SHTN1: variants seen among roughly 807,000 people sequenced by gnomAD.
SHTN1 encodes shootin-1.
In SHTN1, 42 loss-of-function variants were observed where a neutral mutation model predicts 83.1. The observed-to-expected ratio is 0.51, with a 90% confidence interval of 0.39 to 0.65. SHTN1 has a LOEUF of 0.65. SHTN1 is among the 30% of genes least tolerant of loss of function. The probability of loss-of-function intolerance (pLI) is 0.00; values close to 1 mark genes in which losing one functional copy is unlikely to be tolerated. For missense variants in SHTN1, 622 were observed against 737.8 expected (o/e 0.84, Z 1.82); for synonymous variants, 224 against 247.7 (o/e 0.90, Z 0.90).
intron 2 of SHTN1, among the ~76,000 whole-genome samples, chr10:117,041,499 C>A (rs1852584058): frequency 6.6e-6 from 1 of 152,098 alleles, no homozygotes; most frequent in African/African-American, 2.4e-5. Flanking sequence ...CATGTGTTTT[C>A]TTTTCTGCAT....
At chr10:117,081,093 G>A (rs111868895) in intron 1 of SHTN1, among the ~76,000 whole-genome samples, 11 of 150,990 alleles carry the variant, frequency 7.3e-5, no homozygotes, top group African/African-American at 2.7e-4. Context: ...TGGTGAGAGA[G>A]GGCATCCCTG....
upstream of SHTN1, among the ~76,000 whole-genome samples, chr10:117,006,422 C>T (rs1183870235): frequency 3.3e-5 from 5 of 151,548 alleles, no homozygotes. Context: ...AAAAATTAGC[C>T]GGGCGTGGTG....
intron 7 of SHTN1, among the ~76,000 whole-genome samples, chr10:116,947,595 G>T (rs767009130): frequency 4.6e-5 from 7 of 152,102 alleles, no homozygotes; most frequent in Non-Finnish European, 8.8e-5. Context: ...AGAAAACAAA[G>T]AACACTATGA....
At chr10:116,901,093 TC>T in intron 16 of SHTN1, 3 of 985,352 alleles carry the variant, frequency 3.0e-6, no homozygotes, top group Non-Finnish European at 3.6e-6. Flanking sequence ...CTCTTCCTTT[TC>T]TTTAAGTGAC....
chr10:117,057,468 G>C (rs188419401), intron 1 of SHTN1, among the ~76,000 whole-genome samples: 1 of 152,276 alleles, frequency 6.6e-6, no homozygotes, highest in East Asian at 1.9e-4. Context: ...ACAGAGATAG[G>C]CAGTAATTGT....
At chr10:117,072,300 A>T (rs1853092966) in intron 1 of SHTN1, among the ~76,000 whole-genome samples, 1 of 152,132 alleles carries the variant, frequency 6.6e-6, no homozygotes, top group South Asian at 2.1e-4. Flanking sequence ...TTGTGGTTCC[A>T]TCATAGCAGA....
intron 1 of SHTN1, among the ~76,000 whole-genome samples, chr10:117,051,999 C>CATATATATATATATATAT (rs71013635): frequency 0.071 from 2,395 of 33,928 alleles, 471 homozygotes; most frequent in Middle Eastern, 0.16. Flanking sequence ...ATGACATAAT[C>CATATATATATATATATAT]ATATATATAT....
intron 16 of SHTN1, among the ~76,000 whole-genome samples, chr10:116,887,648 C>T (rs1222320533): frequency 6.6e-6 from 1 of 152,162 alleles, no homozygotes; most frequent in East Asian, 1.9e-4. Flanking sequence ...TCTTTTACCA[C>T]CTAATACCTC....
intron 9 of SHTN1, among the ~76,000 whole-genome samples, chr10:116,932,413 A>C (rs1849005798): frequency 6.6e-6 from 1 of 152,166 alleles, no homozygotes; most frequent in South Asian, 2.1e-4. Flanking sequence ...TCTTTATGAT[A>C]ATCTAATGCC....
upstream of SHTN1, chr10:117,005,356 A>G (rs374216059): frequency 5.5e-5 from 69 of 1,252,086 alleles, 1 homozygote; most frequent in East Asian, 5.3e-4. Flanking sequence ...GGCAGCCGCT[A>G]TGCCAGCCTG....
rs750331750 is a variant in SHTN1 at position 116,945,035 on chromosome 10, A to G, written c.617-17T>C. The G allele has an allele frequency of 3.1e-6, 4 of 1,307,862 alleles. No homozygotes were observed. The highest frequency in any genetic ancestry group is 1.5e-5 in the African/African-American group (1 of 66,268). 81.0% of individuals were successfully genotyped at this position (1,307,862 alleles called of 1,614,324 possible). A position where few individuals can be genotyped will look rare whatever the true frequency, so the allele number is the denominator to read the frequency against. The stretch of plus-strand genomic sequence containing the variant: ...ACATGGACACTTAAGAAGATAAAGG[A>G]AAAAAAAAACCCAGACAATAAGTCA... On this transcript the variant is annotated splice_polypyrimidine_tract_variant and intron_variant, in intron 7 of 16. Transcript: ENST00000355371.
intron 2 of SHTN1, among the ~76,000 whole-genome samples, chr10:117,028,409 A>C (rs1852359973): frequency 6.6e-6 from 1 of 152,176 alleles, no homozygotes; most frequent in Non-Finnish European, 1.5e-5. Flanking sequence ...AGTCTGTAGA[A>C]ATTTGTATAA....
chr10:117,109,553 CT>C (rs374713015), intron 1 of SHTN1, among the ~76,000 whole-genome samples: 13 of 42,950 alleles, frequency 3.0e-4, no homozygotes, highest in Non-Finnish European at 4.4e-4. Flanking sequence ...ACATATATTA[CT>C]TTTTTTTTTT....
intron 1 of SHTN1, among the ~76,000 whole-genome samples, chr10:117,124,141 G>A (rs923326199): frequency 2.0e-5 from 3 of 150,112 alleles, no homozygotes; most frequent in East Asian, 2.0e-4. Context: ...AGCCTGGGAG[G>A]TTGAAGCTGC....
chr10:116,955,154 C>A (rs1004838586), intron 4 of SHTN1, among the ~76,000 whole-genome samples: 1 of 150,496 alleles, frequency 6.6e-6, no homozygotes, highest in Non-Finnish European at 1.5e-5. Context: ...TTTTTATTCC[C>A]GGACAGGGAA....
At chr10:117,050,544 A>G (rs34225606) in intron 1 of SHTN1, among the ~76,000 whole-genome samples, 4,565 of 152,308 alleles carry the variant, frequency 0.03, 152 homozygotes, top group South Asian at 0.15. Context: ...AAAGAAGAGC[A>G]AACCAAACCC....
intron 2 of SHTN1, among the ~76,000 whole-genome samples, chr10:117,032,588 T>C (rs1361195727): frequency 1.3e-5 from 2 of 152,072 alleles, no homozygotes; most frequent in Non-Finnish European, 2.9e-5. Context: ...CAGGCCCCAG[T>C]ACAATAATAG....
chr10:117,005,137 A>C lies in SHTN1; in HGVS notation c.-58T>G, dbSNP rs1369600690. 1 of 1,556,730 alleles carries C rather than the reference A, an allele frequency of 6.4e-7. No homozygotes were observed. The highest frequency in any genetic ancestry group is 8.7e-7 in the Non-Finnish European group (1 of 1,149,708). On this transcript the variant is annotated 5_prime_UTR_variant, in exon 1 of 17. Transcript: ENST00000355371. The stretch of plus-strand genomic sequence containing the variant: ...GAGGGAGCGGCGCGGGGCACACAGG[A>C]GGAGGGGGAAGAAAAAGCAAGATGC...
At chr10:117,051,236 A>ATG (rs1233945687) in intron 1 of SHTN1, among the ~76,000 whole-genome samples, 12 of 152,204 alleles carry the variant, frequency 7.9e-5, no homozygotes, top group Non-Finnish European at 1.5e-4. Context: ...GACCTATAAC[A>ATG]TACAAACAGA....
Sources: allele counts gnomAD v4.1 joint callset (sites outside exome capture counted in the v4.1 genomes callset), GRCh38; gene constraint gnomAD v4.1.1; transcripts MANE v1.5; gene names NCBI Gene and HGNC (gene_info 2026-07-23, HGNC 2026-07-21).